PILRB: variants seen among roughly 807,000 people sequenced by gnomAD.
PILRB encodes paired immunoglobin like type 2 receptor beta.
Under a neutral mutation model 20.5 loss-of-function variants are expected in PILRB, and 21 were observed. The observed-to-expected ratio is 1.02, with a 90% CI of 0.72 to 1.47. The LOEUF is 1.47. Among genes scored for constraint, PILRB ranks in the 40% most tolerant of loss-of-function variants. PILRB has a pLI of 0.00. For synonymous variants in PILRB, 133 were observed against 115.1 expected (o/e 1.16, Z -0.99); for missense variants, 253 against 272.1 (o/e 0.93, Z 0.49).
rs771318023 is a variant in PILRB, at chr7:100,358,655, A to G, written c.65-35A>G. On this transcript the variant is annotated intron_variant, in intron 1 of 3. Coordinates refer to ENST00000609309, the MANE Select transcript of PILRB (RefSeq NM_178238.4). ...CTCTTTGTGTCCTGAGGTGGTTTCA[A>G]GGTCTCTCCCCCACTCACTCCCTCC... The G allele has an allele frequency of 1.9e-6, 3 of 1,603,724 alleles. No homozygotes were observed. In the African/African-American group the frequency reaches 4.0e-5, roughly 22 times the overall value.
Position 100,367,790 on chromosome 7 carries a change from C to T in PILRB, c.*413C>T. 1 of 177,234 alleles carries T rather than the reference C, an allele frequency of 5.6e-6. No individual in the cohort carries two copies. The highest frequency in any genetic ancestry group is 1.2e-5 in the Non-Finnish European group (1 of 82,590). 11.0% of individuals were successfully genotyped at this position (177,234 alleles called of 1,614,324 possible). On this transcript the variant is annotated 3_prime_UTR_variant, in exon 4 of 4. Coordinates refer to ENST00000609309, the MANE Select transcript of PILRB (RefSeq NM_178238.4). ...TCTGTATGGTGGCTGTCTTCTATGG[C>T]AGAAGGTTTTGGGGAATAAATAGCG...
At chr7:100,358,600 G>A in intron 1 of PILRB, 90 bp from the exon 2 acceptor site, 1 of 1,507,542 alleles carries the variant, frequency 6.6e-7, no homozygotes. Context: ...ACTGCCTGTG[G>A]GTGAAGGTGT....
chr7:100,362,122 A>G (rs1790545051), intron 3 of PILRB, among the ~76,000 whole-genome samples: 1 of 152,120 alleles, frequency 6.6e-6, no homozygotes, highest in African/African-American at 2.4e-5. Context: ...GTAGATTACA[A>G]AGGATCAAAA....
chr7:100,359,414 C>T lies in PILRB; in HGVS notation c.532C>T (p.His178Tyr). The T allele has an allele frequency of 1.9e-6, 3 of 1,614,178 alleles. No individual in the cohort carries two copies. The highest frequency in any genetic ancestry group is 2.5e-6 in the Non-Finnish European group (3 of 1,180,004). The change falls in exon 3 of 4, where the codon CAC becomes TAC. Residue 178 changes from histidine to tyrosine, a missense_variant. His to Tyr is a moderately conservative substitution (Grantham distance 83). Coordinates refer to ENST00000609309, the MANE Select transcript of PILRB (RefSeq NM_178238.4). The part of the protein sequence containing the change: ...AGLRVTESKG[H>Y]SESWHLSLDT... ...CCTCAGGGTCACAGAAAGCAAAGGG[C>T]ACTCAGAATCATGGCACCTAAGTCT...
chr7:100,367,011 A>G (rs535204834), intron 3 of PILRB, among the ~76,000 whole-genome samples: 7 of 152,190 alleles, frequency 4.6e-5, no homozygotes, highest in African/African-American at 1.7e-4. Flanking sequence ...GGAGGGCCTC[A>G]GCCTAGGGCG....
At chr7:100,358,524 C>T (rs1790429574) in intron 1 of PILRB, among the ~76,000 whole-genome samples, 158 bp downstream of exon 1, 2 of 152,228 alleles carry the variant, frequency 1.3e-5, no homozygotes, top group South Asian at 2.1e-4. Context: ...CTTCCCCCTC[C>T]ACCCTCCCCC....
chr7:100,367,092 C>T lies in PILRB; in HGVS notation c.656-257C>T, dbSNP rs867068435. The stretch of plus-strand genomic sequence containing the variant: ...CTGACTCACTGTTGGTCCCCCTACA[C>T]GTCAGCAGCGGACTAAAGCCACAAC... On this transcript the variant is annotated intron_variant, in intron 3 of 3. Transcript: ENST00000609309. Among the ~76,000 whole-genome samples, 48 of 152,234 alleles carry T rather than the reference C, an allele frequency of 3.2e-4. 1 individual carries two copies. In the Middle Eastern group the frequency reaches 0.01, roughly 32 times the overall value.
intron 3 of PILRB, 71 bp downstream of exon 3, chr7:100,359,608 A>G: frequency 7.6e-7 from 1 of 1,321,012 alleles, no homozygotes; most frequent in South Asian, 1.2e-5. Context: ...CCTGCAGCTA[A>G]GGGACTTCAG....
At chr7:100,362,800 G>A (rs1037369465) in intron 3 of PILRB, among the ~76,000 whole-genome samples, 9 of 152,094 alleles carry the variant, frequency 5.9e-5, no homozygotes, top group African/African-American at 2.2e-4. Flanking sequence ...GAGCCACGGT[G>A]CCCAGCCTGA....
At chr7:100,358,564 A>C (rs777810987) in intron 1 of PILRB, 126 bp from the exon 2 acceptor site, 689 of 1,322,390 alleles carry the variant, frequency 5.2e-4, no homozygotes, top group Non-Finnish European at 6.8e-4. Context: ...CCCAGGCCAG[A>C]GGTCAGTCCA....
intron 3 of PILRB, among the ~76,000 whole-genome samples, chr7:100,364,302 A>G (rs1790614092): frequency 6.6e-6 from 1 of 152,180 alleles, no homozygotes; most frequent in Non-Finnish European, 1.5e-5. Flanking sequence ...ATCTCTGCCA[A>G]AAAATTAACT....
At position 100,359,512 on chromosome 7, in the gene PILRB, C is replaced by T. The variant is rs1005163424; in HGVS notation, c.630C>T (p.Leu210=). Residue 210 remains leucine (L), a synonymous_variant, in exon 3 of 4, where the codon CTC becomes CTT. Coordinates refer to ENST00000609309, the MANE Select transcript of PILRB (RefSeq NM_178238.4). ...KTVILGLLCL[L]LLWWRRRKGS... is the part of the protein sequence containing the mutation. Reference sequence around the variant, plus strand: ...TCATTTTGGGACTGCTGTGCCTCCTCCTCCTGTGGTGGAGGAGAAGGAAAG... The same window carrying T: ...TCATTTTGGGACTGCTGTGCCTCCTTCTCCTGTGGTGGAGGAGAAGGAAAG... 1.2e-6 allele frequency: 2 copies of T among 1,613,924 alleles called. No homozygotes were observed. Among genetic ancestry groups the T allele is most frequent in the African/African-American group, 1.3e-5 (1 of 74,926 alleles).
intron 3 of PILRB, among the ~76,000 whole-genome samples, chr7:100,361,986 G>A (rs945862008): frequency 6.6e-6 from 1 of 152,052 alleles, no homozygotes; most frequent in Non-Finnish European, 1.5e-5. Flanking sequence ...TGCCGGGTGC[G>A]GTGGCTCACA....
intron 3 of PILRB, among the ~76,000 whole-genome samples, chr7:100,362,514 CT>C (rs1193632079): frequency 9.1e-4 from 132 of 144,772 alleles, no homozygotes; most frequent in Admixed American, 9.7e-4. Context: ...AACACCTTTC[CT>C]TTTTTTTTTT....
At chr7:100,363,170 C>G (rs1790581259) in intron 3 of PILRB, among the ~76,000 whole-genome samples, 1 of 150,668 alleles carries the variant, frequency 6.6e-6, no homozygotes, top group Non-Finnish European at 1.5e-5. Flanking sequence ...GAAGTCCTAG[C>G]CAGAGCAATT....
chr7:100,362,360 C>T (rs145249162), intron 3 of PILRB, among the ~76,000 whole-genome samples: 12 of 152,208 alleles, frequency 7.9e-5, no homozygotes, highest in East Asian at 1.9e-4. Context: ...AAGGACTGTA[C>T]GCCATGACCA....
intron 3 of PILRB, among the ~76,000 whole-genome samples, chr7:100,365,862 C>G (rs1241452543): frequency 6.6e-6 from 1 of 151,000 alleles, no homozygotes; most frequent in Non-Finnish European, 1.5e-5. Context: ...TGAAAATGTT[C>G]TGGAGATCTG....
chr7:100,360,633 C>T (rs1008923011), intron 3 of PILRB, among the ~76,000 whole-genome samples: 1 of 152,154 alleles, frequency 6.6e-6, no homozygotes, highest in Non-Finnish European at 1.5e-5. Flanking sequence ...AAAGGGTGAC[C>T]TCAGTTCCCC....
Position 100,366,171 on chromosome 7 carries a change from C to T in PILRB, c.656-1178C>T, listed in dbSNP as rs187251822. The stretch of plus-strand genomic sequence containing the variant: ...TTTTCACCATATTGTTCAGGCTGAT[C>T]TCGAACTCCTGACCTCAGGTGATCT... On this transcript the variant is annotated intron_variant, in intron 3 of 3. Transcript: ENST00000609309. 4.1e-3 allele frequency among the ~76,000 whole-genome samples: 626 copies of T among 152,238 alleles called. 5 individuals are homozygous for T. Among genetic ancestry groups the T allele is most frequent in the African/African-American group, 0.014 (580 of 41,538 alleles).
Sources: gnomAD v4.1 joint callset for allele counts (sites outside exome capture counted in the v4.1 genomes callset) on GRCh38, gnomAD v4.1.1 for gene constraint, MANE v1.5 for transcripts, NCBI Gene and HGNC (gene_info 2026-07-23, HGNC 2026-07-21) for gene names.